The following PRDM10 variants were observed in gnomAD, a reference collection of about 807,000 sequenced individuals.
PRDM10 encodes PR domain zinc finger protein 10.
In PRDM10, 65 loss-of-function variants were observed where a neutral mutation model predicts 133.1. The ratio of observed to expected loss-of-function variants is 0.49; its 90% confidence interval spans 0.40 to 0.60. The LOEUF (loss-of-function observed/expected upper bound fraction) is 0.60, where lower values mean the gene tolerates loss of function less well. PRDM10 is among the 20% of genes least tolerant of loss of function. The probability of loss-of-function intolerance (pLI) is 0.00; values close to 1 mark genes in which losing one functional copy is unlikely to be tolerated. For missense variants in PRDM10, 1,137 were observed against 1,507.1 expected (o/e 0.75, Z 4.07); for synonymous variants, 582 against 580.4 (o/e 1.00, Z -0.04).
In PRDM10 at chr11:129,947,783, G is replaced by A. The variant is rs1951467672; in HGVS notation, c.295-413C>T. Among the ~76,000 whole-genome samples the A allele has an allele frequency of 6.6e-6, 1 of 152,142 alleles. No homozygotes were observed. Among genetic ancestry groups the A allele is most frequent in the Non-Finnish European group, 1.5e-5 (1 of 68,038 alleles). On this transcript the variant is annotated intron_variant, in intron 4 of 20. Transcript: ENST00000360871. The surrounding 1 kb of genome is among the most constrained non-coding windows in gnomAD (Gnocchi z 4.6). ...TCACACTGCTTGAGAGGCCTGCCCT[G>A]TCTCCCAAGACTTCAAATAGGTAAG...
intron 1 of PRDM10, among the ~76,000 whole-genome samples, chr11:129,977,159 G>C (rs1450126681): frequency 6.6e-6 from 1 of 151,688 alleles, no homozygotes; most frequent in South Asian, 2.1e-4. Context: ...AGTCCCTCCA[G>C]CAGACAGAGC....
chr11:129,930,866 CTT>C, intron 11 of PRDM10, 148 bp downstream of exon 11: 2 of 1,268,238 alleles, frequency 1.6e-6, no homozygotes, highest in Non-Finnish European at 2.1e-6. Flanking sequence ...ATAGTGAACA[CTT>C]TCTTTCAAAA....
intron 1 of PRDM10, among the ~76,000 whole-genome samples, chr11:129,998,137 A>C (rs1939156842): frequency 6.6e-6 from 1 of 152,228 alleles, no homozygotes; most frequent in Admixed American, 6.5e-5. Flanking sequence ...ACATATTGTC[A>C]TTTCAACATT....
At position 129,937,667 on chromosome 11, in the gene PRDM10, A is replaced by C; in HGVS notation, c.970T>G (p.Trp324Gly). Residue 324 changes from tryptophan to glycine, a missense_variant, in exon 8 of 21, where the codon TGG (tryptophan) becomes GGG (glycine). Trp to Gly is a radical substitution (Grantham distance 184). Around this residue, in one of 6 missense-constraint regions of PRDM10, gnomAD observed 635 missense variants for 835.2 expected, o/e 0.76. Transcript: ENST00000360871. ...AACTCAGCATAGGATGCGGCATACCACACCTGCAAGAAGCAAGTATATCAT... is the reference window on the plus strand; with the variant it reads ...AACTCAGCATAGGATGCGGCATACCCCACCTGCAAGAAGCAAGTATATCAT... ...NVEPKQELKV[W>G]YAASYAEFVN... 7 of 1,612,558 alleles carry C rather than the reference A, an allele frequency of 4.3e-6. No individual in the cohort carries two copies. The highest frequency in any genetic ancestry group is 5.9e-6 in the Non-Finnish European group (7 of 1,179,666).
At chr11:129,950,215 C>T (rs1214981417) in intron 4 of PRDM10, among the ~76,000 whole-genome samples, 1 of 151,982 alleles carries the variant, frequency 6.6e-6, no homozygotes, top group East Asian at 1.9e-4. Context: ...CTGGGTGACA[C>T]AGCAAGGCCC....
chr11:129,974,486 C>A (rs181365183), intron 1 of PRDM10, among the ~76,000 whole-genome samples: 11 of 151,752 alleles, frequency 7.2e-5, no homozygotes, highest in African/African-American at 2.7e-4. Context: ...AAACAGTGAA[C>A]AGAATAAGTA....
rs1951356885 is a variant in PRDM10, at chr11:129,944,933, C to A, written c.600G>T (p.Val200=). Residue 200 remains valine (V), a synonymous_variant, in exon 6 of 21, where the codon GTG becomes GTT. Transcript: ENST00000360871. ...GGAGGCTCGCCCTGGCCCGGGTGAG[C>A]ACCGGCCGGTTGGGGATCGGGTGCA... ...GPLHPIPNRP[V]LTRARASLPL... is the part of the protein sequence containing the mutation. The A allele has an allele frequency of 1.2e-6, 2 of 1,613,654 alleles. No individual in the cohort carries two copies. Among genetic ancestry groups the A allele is most frequent in the Non-Finnish European group, 1.7e-6 (2 of 1,179,944 alleles).
At chr11:129,975,044 T>C (rs1370194031) in intron 1 of PRDM10, among the ~76,000 whole-genome samples, 3 of 152,106 alleles carry the variant, frequency 2.0e-5, no homozygotes, top group African/African-American at 7.2e-5. Context: ...TATTGTTCAA[T>C]GGGGATGGAG....
chr11:130,001,837 G>T lies in PRDM10; in HGVS notation c.-119+885C>A, dbSNP rs537165128. Among the ~76,000 whole-genome samples the T allele has an allele frequency of 6.6e-5, 10 of 152,110 alleles. No individual in the cohort carries two copies. In the East Asian group the frequency reaches 2.0e-3, roughly 30 times the overall value. ...TCGCCCTGCCTCTGCGCTGCACCCTGGGTGCAGGCGGACTGGGGCAGGGCC... is the reference window on the plus strand; with the variant it reads ...TCGCCCTGCCTCTGCGCTGCACCCTTGGTGCAGGCGGACTGGGGCAGGGCC... On this transcript the variant is annotated intron_variant, in intron 1 of 20. Transcript: ENST00000360871.
At chr11:130,001,686 G>C (rs1189825595) in intron 1 of PRDM10, among the ~76,000 whole-genome samples, 1 of 152,182 alleles carries the variant, frequency 6.6e-6, no homozygotes, top group Non-Finnish European at 1.5e-5. Flanking sequence ...GAGGGCAGAC[G>C]GGGAATATTC....
At chr11:129,922,662 A>G (rs1950551284) in intron 13 of PRDM10, among the ~76,000 whole-genome samples, 2 of 152,180 alleles carry the variant, frequency 1.3e-5, no homozygotes, top group Non-Finnish European at 2.9e-5. Context: ...CCAATGAAGC[A>G]TATTTCATTG....
rs895425070 is a variant in PRDM10, at chr11:129,991,263, T to C, written c.-119+11459A>G. On this transcript the variant is annotated intron_variant, in intron 1 of 20. Transcript: ENST00000360871. ...CTCAATTAAAAGATATTTTAATACATTTTCATTATTAAACAATTGTTTTGG... is the reference window on the plus strand; with the variant it reads ...CTCAATTAAAAGATATTTTAATACACTTTCATTATTAAACAATTGTTTTGG... Among the ~76,000 whole-genome samples the C allele has an allele frequency of 5.3e-5, 8 of 152,246 alleles. No individual in the cohort carries two copies. The South Asian group carries it at 1.2e-3, about 24-fold the overall frequency.
intron 1 of PRDM10, among the ~76,000 whole-genome samples, chr11:129,997,417 C>G (rs1939120865): frequency 6.7e-6 from 1 of 149,062 alleles, no homozygotes; most frequent in Non-Finnish European, 1.5e-5. Flanking sequence ...GAGGTCAAGG[C>G]TGCAGTGGGC....
At chr11:129,998,281 C>T (rs77157177) in intron 1 of PRDM10, among the ~76,000 whole-genome samples, 1,560 of 152,058 alleles carry the variant, frequency 0.01, 30 homozygotes, top group African/African-American at 0.035. Context: ...CTAGACAGGA[C>T]AGCACAGGTC....
intron 3 of PRDM10, 150 bp from the exon 4 acceptor site, chr11:129,955,721 A>G (rs1233149795): frequency 1.6e-6 from 1 of 623,842 alleles, no homozygotes; most frequent in Non-Finnish European, 2.7e-6. Context: ...GAAAATAAAG[A>G]TAGTAATCTT....
intron 5 of PRDM10, among the ~76,000 whole-genome samples, chr11:129,946,716 G>A (rs936336840): frequency 6.6e-5 from 10 of 152,206 alleles, no homozygotes; most frequent in East Asian, 3.9e-4. Flanking sequence ...GGGCACTCAC[G>A]CCTGGGATAG....
In PRDM10 at chr11:129,923,388, G is replaced by A; in HGVS notation, c.1894C>T (p.Arg632Cys). Reference protein sequence around the residue: ...PDFIQVKKHVRSFHSEKIYQC... With the variant: ...PDFIQVKKHVCSFHSEKIYQC... ...TAGATCTTTTCTGAGTGGAAGCTGCGCACGTGTTTTTTCACCTGGTGATAA... is the reference window on the plus strand; with the variant it reads ...TAGATCTTTTCTGAGTGGAAGCTGCACACGTGTTTTTTCACCTGGTGATAA... Residue 632 changes from arginine to cysteine, a missense_variant, in exon 13 of 21, where the codon CGC (arginine) becomes TGC (cysteine). Arg to Cys is a radical substitution (Grantham distance 180). Transcript: ENST00000360871. This position sits in a 1 kb window ranked among gnomAD's most constrained non-coding sequence, Gnocchi z 4.4. The A allele has an allele frequency of 6.2e-7, 1 of 1,605,280 alleles. No individual in the cohort carries two copies. Among genetic ancestry groups the A allele is most frequent in the Non-Finnish European group, 8.5e-7 (1 of 1,176,308 alleles).
At chr11:129,912,250 G>A (rs1262874834) in intron 17 of PRDM10, 25 bp from the exon 18 acceptor site, 2 of 1,500,918 alleles carry the variant, frequency 1.3e-6, no homozygotes, top group Non-Finnish European at 1.8e-6. Context: ...AACAGGCCCA[G>A]AAACCAGACA....
chr11:129,968,329 C>T (rs908588116), intron 1 of PRDM10, among the ~76,000 whole-genome samples: 2 of 152,160 alleles, frequency 1.3e-5, no homozygotes, highest in Non-Finnish European at 2.9e-5. Context: ...CTAACTAGCA[C>T]AAACTGTGGG....
Sources: allele counts gnomAD v4.1 joint callset (sites outside exome capture counted in the v4.1 genomes callset), GRCh38; gene constraint gnomAD v4.1.1; regional missense constraint gnomAD v4.1.1; non-coding constraint Gnocchi (gnomAD v3.1); transcripts MANE v1.5; gene names NCBI Gene and HGNC (gene_info 2026-07-23, HGNC 2026-07-21).